The following NXPH2 variants were observed in gnomAD, a reference collection of about 807,000 sequenced individuals.
NXPH2 encodes the protein neurexophilin 2.
Under a neutral mutation model 19.8 loss-of-function variants are expected in NXPH2, and 5 were observed. That is an observed-to-expected ratio of 0.25 (90% CI 0.13 to 0.53). NXPH2 has a LOEUF of 0.53. Among genes scored for constraint, NXPH2 ranks in the 20% least tolerant of loss-of-function variants. NXPH2 has a pLI of 0.96. For missense variants in NXPH2, 289 were observed against 322.8 expected (o/e 0.90, Z 0.80); for synonymous variants, 154 against 127.4 (o/e 1.21, Z -1.41).
At chr2:138,697,776 C>A (rs190768028) in intron 1 of NXPH2, among the ~76,000 whole-genome samples, 1 of 151,198 alleles carries the variant, frequency 6.6e-6, no homozygotes, top group Non-Finnish European at 1.5e-5. Context: ...TAAATAATCA[C>A]CAGAGAAAAT....
intron 1 of NXPH2, among the ~76,000 whole-genome samples, chr2:138,674,561 A>G (rs1680458700): frequency 6.6e-6 from 1 of 152,222 alleles, no homozygotes; most frequent in South Asian, 2.1e-4. Flanking sequence ...TTGGGATTAC[A>G]GGAGCGAACC....
intron 1 of NXPH2, among the ~76,000 whole-genome samples, chr2:138,696,960 A>C (rs1394943550): frequency 6.6e-6 from 1 of 152,188 alleles, no homozygotes; most frequent in African/African-American, 2.4e-5. Flanking sequence ...CAGATAAAAA[A>C]GTAATTGTAG....
At chr2:138,700,040 A>G (rs538435081) in intron 1 of NXPH2, among the ~76,000 whole-genome samples, 85 of 152,232 alleles carry the variant, frequency 5.6e-4, no homozygotes, top group African/African-American at 1.9e-3. Flanking sequence ...CCTATTTCCC[A>G]GTAAGCCATG....
At chr2:138,780,132 G>A in intron 1 of NXPH2, 59 bp downstream of exon 1, 1 of 1,449,568 alleles carries the variant, frequency 6.9e-7, no homozygotes, top group Non-Finnish European at 9.1e-7. Context: ...CCGCCTGCGC[G>A]GTTTTCCCGC....
intron 1 of NXPH2, among the ~76,000 whole-genome samples, chr2:138,744,125 T>C (rs774369147): frequency 3.9e-5 from 6 of 152,150 alleles, no homozygotes; most frequent in Non-Finnish European, 7.4e-5. Context: ...TCCTCATTAT[T>C]AGTAGAGGGG....
chr2:138,688,085 G>A (rs1395968375), intron 1 of NXPH2, among the ~76,000 whole-genome samples: 1 of 152,166 alleles, frequency 6.6e-6, no homozygotes, highest in Non-Finnish European at 1.5e-5. Flanking sequence ...GAAAGTCGTT[G>A]GTAGCTTGAT....
At chr2:138,770,265 T>C (rs894072943) in intron 1 of NXPH2, among the ~76,000 whole-genome samples, 1 of 152,148 alleles carries the variant, frequency 6.6e-6, no homozygotes. Context: ...CCATAATCTT[T>C]ATACAAAAAT....
intron 1 of NXPH2, among the ~76,000 whole-genome samples, chr2:138,767,902 C>T (rs531520585): frequency 6.6e-6 from 1 of 152,140 alleles, no homozygotes; most frequent in African/African-American, 2.4e-5. Flanking sequence ...TCATATTTTC[C>T]ATTTTGGTTT....
In NXPH2 at chr2:138,746,337, C is replaced by A. The variant is rs141476210; in HGVS notation, c.51+33854G>T. On this transcript the variant is annotated intron_variant, in intron 1 of 1. Transcript: ENST00000272641. ...ATTCAGTAGAGGTGCAACTTGTGTCCTGTGAAGCGGCAGTTCACTTTGCCT... is the reference window on the plus strand; with the variant it reads ...ATTCAGTAGAGGTGCAACTTGTGTCATGTGAAGCGGCAGTTCACTTTGCCT... 4.2e-3 allele frequency among the ~76,000 whole-genome samples: 645 copies of A among 152,336 alleles called. 2 individuals are homozygous for A. Among genetic ancestry groups the A allele is most frequent in the African/African-American group, 0.015 (611 of 41,568 alleles).
Position 138,671,075 on chromosome 2 carries a change from C to A in NXPH2, c.642G>T (p.Glu214Asp), listed in dbSNP as rs576688965. The stretch of plus-strand genomic sequence containing the variant: ...ACCAAGACACATGGCTCTGAGTCTG[C>A]TCCTGGTAGCAGATCTTGGATGGGT... ...NFDPSKICYQ[E>D]QTQSHVSWLC... Residue 214 changes from glutamate (E) to aspartate (D), a missense_variant, in exon 2 of 2, where the codon GAG becomes GAT. Glu to Asp is a conservative substitution (Grantham distance 45). Transcript: ENST00000272641. 1.2e-6 allele frequency: 2 copies of A among 1,613,952 alleles called. No homozygotes were observed. The highest frequency in any genetic ancestry group is 4.5e-5 in the East Asian group (2 of 44,860).
At chr2:138,774,512 A>G (rs1043198103) in intron 1 of NXPH2, among the ~76,000 whole-genome samples, 5 of 152,246 alleles carry the variant, frequency 3.3e-5, no homozygotes, top group African/African-American at 1.2e-4. Context: ...AAATCATATG[A>G]AGAAAAATTC....
intron 1 of NXPH2, among the ~76,000 whole-genome samples, chr2:138,728,264 C>T (rs1444763753): frequency 1.3e-5 from 2 of 152,058 alleles, no homozygotes; most frequent in African/African-American, 4.8e-5. Flanking sequence ...ACTTGTGAGC[C>T]AAAGAAAGAG....
At chr2:138,699,162 T>A (rs946545677) in intron 1 of NXPH2, among the ~76,000 whole-genome samples, 4 of 152,102 alleles carry the variant, frequency 2.6e-5, no homozygotes, top group African/African-American at 9.7e-5. Flanking sequence ...TAATATAATA[T>A]GTAACAAAGC....
At chr2:138,684,914 T>G (rs544808089) in intron 1 of NXPH2, among the ~76,000 whole-genome samples, 76 of 152,316 alleles carry the variant, frequency 5.0e-4, no homozygotes, top group Non-Finnish European at 9.1e-4. Context: ...CAGTCTCCTG[T>G]GAAATTCATG....
At chr2:138,732,683 TTTAAA>T (rs1199156096) in intron 1 of NXPH2, among the ~76,000 whole-genome samples, 1 of 152,178 alleles carries the variant, frequency 6.6e-6, no homozygotes, top group African/African-American at 2.4e-5. Context: ...TCTAGGGTCT[TTTAAA>T]TGTTCCTCCT....
At chr2:138,764,278 A>T (rs1046344243) in intron 1 of NXPH2, among the ~76,000 whole-genome samples, 3 of 152,176 alleles carry the variant, frequency 2.0e-5, no homozygotes, top group Non-Finnish European at 4.4e-5. Context: ...AAGCCAAAGG[A>T]TACTTAAGAG....
chr2:138,691,439 T>C (rs971029334), intron 1 of NXPH2, among the ~76,000 whole-genome samples: 3 of 152,198 alleles, frequency 2.0e-5, no homozygotes, highest in South Asian at 2.1e-4. Context: ...ATATATTAAT[T>C]GACAGTCTTT....
In NXPH2 at chr2:138,670,984, C is replaced by T. The variant is rs1222108108; in HGVS notation, c.733G>A (p.Val245Met). 1.2e-6 allele frequency: 2 copies of T among 1,613,760 alleles called. No individual in the cohort carries two copies. The highest frequency in any genetic ancestry group is 4.5e-5 in the East Asian group (2 of 44,878). ...IAFYSVDYKL[V>M]QKVCPDYNYH... The stretch of plus-strand genomic sequence containing the variant: ...TTGTAGTCAGGGCACACCTTTTGCA[C>T]GAGTTTATAATCAACACTGTAAAAG... Residue 245 changes from valine to methionine, a missense_variant, in exon 2 of 2, where the codon GTG (valine) becomes ATG (methionine). Coordinates refer to ENST00000272641, the MANE Select transcript of NXPH2 (RefSeq NM_007226.3).
intron 1 of NXPH2, among the ~76,000 whole-genome samples, chr2:138,679,845 G>A (rs1680545909): frequency 6.6e-6 from 1 of 152,058 alleles, no homozygotes; most frequent in South Asian, 2.1e-4. Context: ...TAAGTTTATT[G>A]CTTCACTGAT....
Sources: gnomAD v4.1 joint callset for allele counts (sites outside exome capture counted in the v4.1 genomes callset) on GRCh38, gnomAD v4.1.1 for gene constraint, MANE v1.5 for transcripts, NCBI Gene and HGNC (gene_info 2026-07-23, HGNC 2026-07-21) for gene names.